TRPM3: variants seen among roughly 807,000 people sequenced by gnomAD.
TRPM3 encodes the protein long transient receptor potential channel 3.
Under a neutral mutation model 181.2 loss-of-function variants are expected in TRPM3, and 77 were observed. The ratio of observed to expected loss-of-function variants is 0.42; its 90% confidence interval spans 0.35 to 0.51. TRPM3 has a LOEUF of 0.51. Ranked by LOEUF, TRPM3 falls within the 20% of genes least tolerant of loss-of-function variation. The pLI is 0.01. For synonymous variants in TRPM3, 745 were observed against 796.4 expected (o/e 0.94, Z 1.09); for missense variants, 1,759 against 2,196.7 (o/e 0.80, Z 3.98).
At chr9:70,880,460 C>G (rs547992560) in intron 1 of TRPM3, among the ~76,000 whole-genome samples, 1 of 152,032 alleles carries the variant, frequency 6.6e-6, no homozygotes, top group South Asian at 2.1e-4. Context: ...AATGATGGTC[C>G]TTGCTAGCTT....
intron 22 of TRPM3, among the ~76,000 whole-genome samples, chr9:70,553,848 A>G (rs1171548722): frequency 1.3e-5 from 2 of 152,218 alleles, no homozygotes; most frequent in Admixed American, 6.5e-5. Context: ...TCAGTACAGA[A>G]GGAACAACAC....
chr9:70,842,933 T>C, intron 5 of TRPM3, 70 bp downstream of exon 5: 1 of 1,518,064 alleles, frequency 6.6e-7, no homozygotes, highest in Non-Finnish European at 9.0e-7. Flanking sequence ...TTTTGAATAC[T>C]AATTTTATTA....
At chr9:70,969,090 G>T (rs2097212846) in intron 1 of TRPM3, among the ~76,000 whole-genome samples, 1 of 152,012 alleles carries the variant, frequency 6.6e-6, no homozygotes, top group Non-Finnish European at 1.5e-5. Context: ...ACAGAATGGG[G>T]GAAAATTTTT....
intron 1 of TRPM3, among the ~76,000 whole-genome samples, chr9:71,371,901 A>T (rs2092527297): frequency 6.6e-6 from 1 of 152,132 alleles, no homozygotes; most frequent in Non-Finnish European, 1.5e-5. Context: ...GTTACACAGT[A>T]AACTATTTGC....
At chr9:70,683,709 C>A (rs1005773602) in intron 8 of TRPM3, among the ~76,000 whole-genome samples, 1 of 152,126 alleles carries the variant, frequency 6.6e-6, no homozygotes, top group Admixed American at 6.5e-5. Context: ...TCTGCTTCTG[C>A]ATAACTACAG....
intron 1 of TRPM3, among the ~76,000 whole-genome samples, chr9:71,341,233 G>T (rs1193356023): frequency 1.3e-5 from 2 of 152,166 alleles, no homozygotes; most frequent in Non-Finnish European, 2.9e-5. Flanking sequence ...AGTACTAAAT[G>T]TGTCAACAAA....
chr9:71,102,416 G>A (rs750045479), intron 1 of TRPM3, among the ~76,000 whole-genome samples: 2 of 152,058 alleles, frequency 1.3e-5, no homozygotes, highest in Non-Finnish European at 2.9e-5. Context: ...GTAAAAGTTC[G>A]AACTACTGAG....
At chr9:71,089,259 T>A (rs1591327985) in intron 1 of TRPM3, among the ~76,000 whole-genome samples, 1 of 150,138 alleles carries the variant, frequency 6.7e-6, no homozygotes, top group African/African-American at 2.4e-5. Flanking sequence ...TGCTATATAG[T>A]CTCTATATCA....
intron 3 of TRPM3, among the ~76,000 whole-genome samples, chr9:70,861,314 C>T (rs2095513833): frequency 6.6e-6 from 1 of 152,158 alleles, no homozygotes; most frequent in South Asian, 2.1e-4. Flanking sequence ...ACAATGGCAG[C>T]ATCATGGTCA....
intron 17 of TRPM3, among the ~76,000 whole-genome samples, chr9:70,617,890 G>T (rs1394664243): frequency 6.6e-6 from 1 of 152,062 alleles, no homozygotes; most frequent in Non-Finnish European, 1.5e-5. Flanking sequence ...GCTTGAACCT[G>T]GGAGGTGGAC....
At chr9:70,788,195 A>G (rs1274707970) in intron 6 of TRPM3, among the ~76,000 whole-genome samples, 2 of 116,684 alleles carry the variant, frequency 1.7e-5, no homozygotes, top group African/African-American at 6.8e-5. Context: ...CCAGAGTGTG[A>G]TGTTCCCCTT....
At chr9:71,193,128 A>G (rs1027721) in intron 1 of TRPM3, among the ~76,000 whole-genome samples, 65,062 of 151,520 alleles carry the variant, frequency 0.43, 14,358 homozygotes, top group East Asian at 0.52. Flanking sequence ...ATTACTTTGG[A>G]TTTTATCATG....
chr9:70,623,258 C>T (rs1044571565), intron 14 of TRPM3, among the ~76,000 whole-genome samples: 92 of 151,118 alleles, frequency 6.1e-4, no homozygotes, highest in African/African-American at 2.1e-3. Context: ...GCCGGCTACT[C>T]GGGAGGCTGA....
intron 1 of TRPM3, among the ~76,000 whole-genome samples, chr9:71,120,055 C>A (rs538125432): frequency 6.6e-6 from 1 of 152,252 alleles, no homozygotes; most frequent in East Asian, 1.9e-4. Context: ...TTGTGAGGCA[C>A]CACTTAGCTG....
chr9:71,004,516 GC>G (rs2097652352), intron 1 of TRPM3, among the ~76,000 whole-genome samples: 1 of 152,212 alleles, frequency 6.6e-6, no homozygotes, highest in African/African-American at 2.4e-5. Flanking sequence ...GCTGGAACAG[GC>G]AAATGGGGGA....
At chr9:71,209,745 A>G (rs1488350787) in intron 1 of TRPM3, among the ~76,000 whole-genome samples, 1 of 152,230 alleles carries the variant, frequency 6.6e-6, no homozygotes, top group Non-Finnish European at 1.5e-5. Context: ...GGAAAAAATC[A>G]AAAGAAGAAT....
At chr9:70,700,479 C>T (rs1291687133) in intron 8 of TRPM3, among the ~76,000 whole-genome samples, 3 of 152,206 alleles carry the variant, frequency 2.0e-5, no homozygotes, top group Non-Finnish European at 4.4e-5. Flanking sequence ...GAATTAGAGT[C>T]TCTACTGCCC....
intron 1 of TRPM3, among the ~76,000 whole-genome samples, chr9:71,279,034 T>TAAAAAAAAAAAAAAAAAAAAAA (rs200421016): frequency 6.3e-5 from 3 of 47,562 alleles, no homozygotes; most frequent in African/African-American, 3.1e-4. Flanking sequence ...CCTGCTTAGG[T>TAAAAAAAAAAAAAAAAAAAAAA]TAAAAAAAAT....
intron 1 of TRPM3, among the ~76,000 whole-genome samples, chr9:71,199,924 G>T (rs2078666906): frequency 6.6e-6 from 1 of 152,098 alleles, no homozygotes; most frequent in African/African-American, 2.4e-5. Context: ...GCTTTTGAAT[G>T]TGCTTGCTCT....
Sources: gnomAD v4.1 joint callset for allele counts (sites outside exome capture counted in the v4.1 genomes callset) on GRCh38, gnomAD v4.1.1 for gene constraint, MANE v1.5 for transcripts, NCBI Gene and HGNC (gene_info 2026-07-23, HGNC 2026-07-21) for gene names.